XYLT1: variants seen among roughly 807,000 people sequenced by gnomAD.
XYLT1 encodes the protein xylosyltransferase 1.
XYLT1 carries 36 observed loss-of-function variants against 91.3 expected under a neutral mutation model. The observed-to-expected ratio is 0.39, with a 90% CI of 0.30 to 0.52. The LOEUF is 0.52. Ranked by LOEUF, XYLT1 falls within the 20% of genes least tolerant of loss-of-function variation. XYLT1 has a pLI of 0.68. For synonymous variants in XYLT1, 588 were observed against 532.0 expected (o/e 1.11, Z -1.45); for missense variants, 1,242 against 1,284.5 (o/e 0.97, Z 0.51).
chr16:17,401,808 A>T (rs1159919452), intron 1 of XYLT1, among the ~76,000 whole-genome samples: 9 of 152,074 alleles, frequency 5.9e-5, no homozygotes, highest in Admixed American at 5.9e-4. Context: ...TGCTTAAAAA[A>T]TTATTACAGA....
chr16:17,273,641 C>G (rs1567351769), intron 2 of XYLT1, among the ~76,000 whole-genome samples: 1 of 152,030 alleles, frequency 6.6e-6, no homozygotes, highest in African/African-American at 2.4e-5. Context: ...TTCAGGAGTT[C>G]GAGGCCAGCC....
At chr16:17,270,393 CA>C (rs890454368) in intron 2 of XYLT1, among the ~76,000 whole-genome samples, 5 of 152,312 alleles carry the variant, frequency 3.3e-5, no homozygotes, top group Non-Finnish European at 7.3e-5. Flanking sequence ...CCAACCCCAC[CA>C]GGGGGACATG....
chr16:17,162,809 C>A (rs190736917), intron 5 of XYLT1, among the ~76,000 whole-genome samples: 3 of 152,312 alleles, frequency 2.0e-5, no homozygotes, highest in African/African-American at 7.2e-5. Context: ...TTTAAAATTT[C>A]AGAAGCATTG....
chr16:17,125,134 T>C (rs1195371642), intron 10 of XYLT1, among the ~76,000 whole-genome samples: 1 of 152,228 alleles, frequency 6.6e-6, no homozygotes, highest in African/African-American at 2.4e-5. Context: ...TGAGCTAGTG[T>C]GATCTTTTGG....
At position 17,254,246 on chromosome 16, in the gene XYLT1, CCTT is replaced by C. The variant is rs565741030; in HGVS notation, c.913+4739_913+4741del. Among the ~76,000 whole-genome samples the C allele has an allele frequency of 3.2e-4, 48 of 152,286 alleles. No individual in the cohort carries two copies. In the South Asian group the frequency reaches 5.0e-3, roughly 16 times the overall value. ...GACAGCAGTAATACCAACCTCTCCT[CCTT>C]CTTCTCCTCCTTTTCCTCAACTCAA... On this transcript the variant is annotated intron_variant, in intron 3 of 11. Coordinates refer to ENST00000261381, the MANE Select transcript of XYLT1 (RefSeq NM_022166.4).
chr16:17,355,067 C>T (rs1458455653), intron 2 of XYLT1: 11 of 152,700 alleles, frequency 7.2e-5, no homozygotes, highest in Admixed American at 7.2e-4. Context: ...AAGCTCTTCC[C>T]CAATGGCATA....
At chr16:17,455,848 A>C (rs1025453875) in intron 1 of XYLT1, among the ~76,000 whole-genome samples, 6 of 152,224 alleles carry the variant, frequency 3.9e-5, no homozygotes, top group African/African-American at 1.4e-4. Context: ...CATGGCCTTC[A>C]ACCTACAGCA....
chr16:17,453,674 C>T (rs567214409), intron 1 of XYLT1, among the ~76,000 whole-genome samples: 4 of 152,310 alleles, frequency 2.6e-5, no homozygotes, highest in South Asian at 2.1e-4. Flanking sequence ...AAATGACACA[C>T]GCTACTGCAG....
intron 5 of XYLT1, among the ~76,000 whole-genome samples, chr16:17,183,433 C>T (rs1347337174): frequency 2.0e-5 from 3 of 149,666 alleles, no homozygotes; most frequent in Admixed American, 6.6e-5. Context: ...AATTATGACC[C>T]GTTGGCAAAA....
Position 17,457,292 on chromosome 16 carries a change from T to C in XYLT1, c.363+13142A>G, listed in dbSNP as rs62030328. On this transcript the variant is annotated intron_variant, in intron 1 of 11. Transcript: ENST00000261381. ...ACTCACAAAGCTCTAGGTTTCCTTC[T>C]GGCTTACGTATTTCCCATCGCTGCT... is the stretch of plus-strand genomic sequence containing the variant. Among the ~76,000 whole-genome samples the C allele has an allele frequency of 1.4e-3, 212 of 152,360 alleles. 1 individual carries two copies. The highest frequency in any genetic ancestry group is 2.1e-3 in the Non-Finnish European group (144 of 68,036).
chr16:17,437,034 G>T (rs1270594004), intron 1 of XYLT1, among the ~76,000 whole-genome samples: 1 of 152,150 alleles, frequency 6.6e-6, no homozygotes, highest in African/African-American at 2.4e-5. Flanking sequence ...ACCTGCATTA[G>T]CTCATTGAAT....
chr16:17,288,460 G>A (rs192459198), intron 2 of XYLT1, among the ~76,000 whole-genome samples: 214 of 152,166 alleles, frequency 1.4e-3, no homozygotes, highest in African/African-American at 4.7e-3. Flanking sequence ...TCTTCTTGGG[G>A]CTTGTCTTAT....
chr16:17,410,743 A>C (rs545800204), intron 1 of XYLT1, among the ~76,000 whole-genome samples: 2 of 151,782 alleles, frequency 1.3e-5, no homozygotes, highest in African/African-American at 4.8e-5. Flanking sequence ...CCTAGGTTCA[A>C]GCGATTATCC....
chr16:17,398,931 A>G (rs1204018774), intron 1 of XYLT1, among the ~76,000 whole-genome samples: 4 of 147,278 alleles, frequency 2.7e-5, no homozygotes, highest in Non-Finnish European at 5.9e-5. Context: ...TGCAACCTCT[A>G]CCTCCCAGGT....
At chr16:17,243,929 G>C (rs1206203858) in intron 3 of XYLT1, among the ~76,000 whole-genome samples, 1 of 152,118 alleles carries the variant, frequency 6.6e-6, no homozygotes, top group Non-Finnish European at 1.5e-5. Flanking sequence ...CTTGGCCACG[G>C]CACCATGGAC....
intron 1 of XYLT1, among the ~76,000 whole-genome samples, chr16:17,368,692 C>T (rs2035486927): frequency 2.0e-5 from 3 of 151,664 alleles, no homozygotes. Flanking sequence ...TCAAGCAATC[C>T]TTCCACCTCA....
intron 2 of XYLT1, among the ~76,000 whole-genome samples, chr16:17,350,336 T>A (rs114869582): frequency 6.6e-6 from 1 of 152,224 alleles, no homozygotes; most frequent in Non-Finnish European, 1.5e-5. Flanking sequence ...TGCTGGCTAT[T>A]TGCGGAATGT....
intron 1 of XYLT1, among the ~76,000 whole-genome samples, chr16:17,372,956 A>G (rs1414980059): frequency 6.6e-6 from 1 of 152,212 alleles, no homozygotes; most frequent in Non-Finnish European, 1.5e-5. Flanking sequence ...ACTAACAACA[A>G]ACATCTGTTT....
intron 1 of XYLT1, among the ~76,000 whole-genome samples, chr16:17,423,880 T>C (rs1567198047): frequency 6.6e-6 from 1 of 152,006 alleles, no homozygotes. Flanking sequence ...TCCCAAAGGA[T>C]TACTGTTATT....
Sources: gnomAD v4.1 joint callset for allele counts (sites outside exome capture counted in the v4.1 genomes callset) on GRCh38, gnomAD v4.1.1 for gene constraint, MANE v1.5 for transcripts, NCBI Gene and HGNC (gene_info 2026-07-23, HGNC 2026-07-21) for gene names.